IL21: variants seen among roughly 807,000 people sequenced by gnomAD.
The protein encoded by IL21 is interleukin 21.
IL21 carries 3 observed loss-of-function variants against 18.4 expected under a neutral mutation model. The ratio of observed to expected loss-of-function variants is 0.16; its 90% confidence interval spans 0.07 to 0.42. IL21 has a LOEUF of 0.42. IL21 is among the 10% of genes least tolerant of loss of function. The probability of loss-of-function intolerance (pLI) is 0.99; values close to 1 mark genes in which losing one functional copy is unlikely to be tolerated. For missense variants in IL21, 130 were observed against 188.4 expected, an observed-to-expected ratio of 0.69 and a Z score of 1.81; for synonymous variants, 37 against 62.0, an observed-to-expected ratio of 0.60 and a Z score of 1.90.
intron 2 of IL21, chr4:122,620,110 A>G (rs1223779874): frequency 6.6e-6 from 1 of 152,298 alleles, no homozygotes; most frequent in Non-Finnish European, 1.5e-5. Flanking sequence ...ATTGTTGAAA[A>G]TGGTTCTTTC....
At chr4:122,616,201 G>C (rs1799335588) in intron 2 of IL21, among the ~76,000 whole-genome samples, 1 of 152,228 alleles carries the variant, frequency 6.6e-6, no homozygotes, top group African/African-American at 2.4e-5. Context: ...ACTGTGACTA[G>C]TGGCAGCTTT....
chr4:122,615,567 C>A, intron 3 of IL21, 115 bp downstream of exon 3: 13 of 789,580 alleles, frequency 1.6e-5, no homozygotes, highest in South Asian at 3.8e-5. Context: ...TAAGGCATAA[C>A]TATAGGTAAG....
chr4:122,618,761 G>A (rs1026771029), intron 2 of IL21, among the ~76,000 whole-genome samples: 8 of 121,692 alleles, frequency 6.6e-5, no homozygotes, highest in African/African-American at 1.3e-4. Context: ...AGCTGAGATC[G>A]CACCACTGCA....
chr4:122,613,314 C>G (rs1490545027), intron 3 of IL21, among the ~76,000 whole-genome samples: 1 of 116,060 alleles, frequency 8.6e-6, no homozygotes, highest in Non-Finnish European at 1.8e-5. Context: ...GGATGCAACT[C>G]TTACTATTTT....
At chr4:122,612,815 T>C (rs201602674) in intron 4 of IL21, 36 bp downstream of exon 4, 2 of 1,612,562 alleles carry the variant, frequency 1.2e-6, no homozygotes, top group African/African-American at 2.7e-5. Context: ...TAGGTAAAGA[T>C]AAAGCAGAAA....
rs78360774 is a variant in IL21 at position 122,611,276 on chromosome 4, AT to A, written c.*1433del. 2.6e-5 allele frequency among the ~76,000 whole-genome samples: 4 copies of A among 151,598 alleles called. No individual in the cohort carries two copies. The highest frequency in any genetic ancestry group is 7.3e-5 in the African/African-American group (3 of 41,252). ...CAGAGTACCTTGTTTCTGATGATAA[AT>A]TTTTTTTTCTTTTTTCTGAGTCTAC... On this transcript the variant is annotated 3_prime_UTR_variant, in exon 5 of 5. Transcript: ENST00000648588.
intron 2 of IL21, among the ~76,000 whole-genome samples, chr4:122,617,672 T>C (rs933761005): frequency 6.6e-6 from 1 of 152,230 alleles, no homozygotes; most frequent in African/African-American, 2.4e-5. Context: ...ACCTGGACAC[T>C]GACGCCCATA....
intron 3 of IL21, among the ~76,000 whole-genome samples, chr4:122,614,101 C>T (rs963388062): frequency 2.0e-5 from 3 of 152,152 alleles, no homozygotes; most frequent in Non-Finnish European, 4.4e-5. Context: ...AGTAGATATA[C>T]GTTCTAATTC....
intron 3 of IL21, 150 bp downstream of exon 3, chr4:122,615,532 A>C (rs1267915357): frequency 9.8e-6 from 3 of 306,554 alleles, no homozygotes; most frequent in South Asian, 2.0e-4. Flanking sequence ...TGTCTTAAAA[A>C]AAAAAAAAAA....
intron 2 of IL21, chr4:122,619,008 G>A (rs534891354): frequency 1.3e-5 from 2 of 151,968 alleles, no homozygotes; most frequent in Non-Finnish European, 2.9e-5. Flanking sequence ...CTACCTCCAA[G>A]TGTGACAACC....
At chr4:122,614,127 T>G (rs1427840233) in intron 3 of IL21, among the ~76,000 whole-genome samples, 2 of 152,186 alleles carry the variant, frequency 1.3e-5, no homozygotes, top group African/African-American at 4.8e-5. Context: ...CTGACACTAT[T>G]TATGGAACTT....
chr4:122,614,982 G>C (rs1320091892), intron 3 of IL21, among the ~76,000 whole-genome samples: 1 of 152,140 alleles, frequency 6.6e-6, no homozygotes, highest in Non-Finnish European at 1.5e-5. Context: ...CTTCTTGTAG[G>C]CTCTTTTCTT....
In IL21 at chr4:122,616,464, T is replaced by G. The variant is rs1799338698; in HGVS notation, c.205-627A>C. Among the ~76,000 whole-genome samples the G allele has an allele frequency of 2.6e-5, 4 of 152,322 alleles. No homozygotes were observed. In the South Asian group the frequency reaches 8.3e-4, roughly 32 times the overall value. ...TTTTACATCTAAGATTCAATATACT[T>G]GCCATAGATCACACATGACTTTTCT... On this transcript the variant is annotated intron_variant, in intron 2 of 4. Coordinates refer to ENST00000648588, the MANE Select transcript of IL21 (RefSeq NM_021803.4).
intron 3 of IL21, among the ~76,000 whole-genome samples, chr4:122,614,419 A>G (rs1466735072): frequency 1.2e-4 from 18 of 151,568 alleles, no homozygotes; most frequent in Admixed American, 1.2e-3. Flanking sequence ...AATTTAAAAA[A>G]TTTGAGGCTG....
intron 3 of IL21, 51 bp downstream of exon 3, chr4:122,615,631 G>T: frequency 6.5e-7 from 1 of 1,531,038 alleles, no homozygotes; most frequent in Non-Finnish European, 8.9e-7. Flanking sequence ...TGTAATGCAA[G>T]ATATATAGTT....
chr4:122,614,320 A>G (rs1346995748), intron 3 of IL21, among the ~76,000 whole-genome samples: 2 of 152,194 alleles, frequency 1.3e-5, no homozygotes, highest in Non-Finnish European at 2.9e-5. Context: ...CACCAGGCCA[A>G]GCAATCAAAA....
In IL21 at chr4:122,613,378, G is replaced by A. The variant is rs185726171; in HGVS notation, c.361-450C>T. On this transcript the variant is annotated intron_variant, in intron 3 of 4. Transcript: ENST00000648588. Reference sequence around the variant, plus strand: ...TTTTTTTTTTTTTTTTTTGGAGACAGTCTTGCTGTGTCACCCAGGCTGGAG... The same window carrying A: ...TTTTTTTTTTTTTTTTTTGGAGACAATCTTGCTGTGTCACCCAGGCTGGAG... Among the ~76,000 whole-genome samples the A allele has an allele frequency of 2.8e-3, 346 of 123,668 alleles. 5 individuals are homozygous for A. The highest frequency in any genetic ancestry group is 9.4e-3 in the African/African-American group (316 of 33,684). 81.1% of individuals were successfully genotyped at this position (123,668 alleles called of 152,430 possible).
chr4:122,610,211 A>G lies in IL21; in HGVS notation c.*2499T>C, dbSNP rs78401818. On this transcript the variant is annotated 3_prime_UTR_variant, in exon 5 of 5. Transcript: ENST00000648588. ...ATAAATAATTATTAAGTTATAAACT[A>G]CATAGTTCATATTAGCTAAATTCTC... Among the ~76,000 whole-genome samples the G allele has an allele frequency of 6.6e-6, 1 of 152,328 alleles. No homozygotes were observed. Among genetic ancestry groups the G allele is most frequent in the East Asian group, 1.9e-4 (1 of 5,194 alleles).
intron 2 of IL21, among the ~76,000 whole-genome samples, chr4:122,618,790 T>C (rs1295392717): frequency 9.1e-6 from 1 of 110,354 alleles, no homozygotes; most frequent in Non-Finnish European, 1.7e-5. Flanking sequence ...TAGCAACATA[T>C]CGAGACTCCG....
Sources: gnomAD v4.1 joint callset for allele counts (sites outside exome capture counted in the v4.1 genomes callset) on GRCh38, gnomAD v4.1.1 for gene constraint, MANE v1.5 for transcripts, NCBI Gene and HGNC (gene_info 2026-07-23, HGNC 2026-07-21) for gene names.